Variants in TOX3 observed in about 807,000 individuals in gnomAD.
TOX3 encodes CAG trinucleotide repeat-containing gene F9 protein.
TOX3 carries 22 observed loss-of-function variants against 64.3 expected under a neutral mutation model. That is an observed-to-expected ratio of 0.34 (90% CI 0.24 to 0.49). The LOEUF (loss-of-function observed/expected upper bound fraction) is 0.49. Ranked by LOEUF, TOX3 falls within the 20% of genes least tolerant of loss-of-function variation. TOX3 has a pLI of 0.99. For synonymous variants in TOX3, 291 were observed against 273.6 expected, an observed-to-expected ratio of 1.06 and a Z score of -0.63; for missense variants, 661 against 714.4, an observed-to-expected ratio of 0.93 and a Z score of 0.85.
chr16:52,540,417 T>C (rs550089937), intron 1 of TOX3, among the ~76,000 whole-genome samples: 4 of 151,976 alleles, frequency 2.6e-5, no homozygotes, highest in African/African-American at 9.6e-5. Context: ...TTTATGTGTA[T>C]ATATATATTC....
At chr16:52,451,214 C>T (rs953298912) in intron 3 of TOX3, among the ~76,000 whole-genome samples, 2 of 152,186 alleles carry the variant, frequency 1.3e-5, no homozygotes, top group Non-Finnish European at 2.9e-5. Context: ...ATCTGGAAGT[C>T]ATTCAATGTC....
At chr16:52,463,643 GC>G (rs1201062526) in intron 3 of TOX3, among the ~76,000 whole-genome samples, 2 of 152,264 alleles carry the variant, frequency 1.3e-5, no homozygotes, top group Non-Finnish European at 2.9e-5. Flanking sequence ...TTTGTGTTAA[GC>G]CAACAGCAAG....
intron 1 of TOX3, among the ~76,000 whole-genome samples, chr16:52,502,770 A>G (rs1013664163): frequency 6.6e-6 from 1 of 152,256 alleles, no homozygotes; most frequent in Non-Finnish European, 1.5e-5. Flanking sequence ...AGAAATTTTA[A>G]AACACTACCA....
intron 3 of TOX3, among the ~76,000 whole-genome samples, chr16:52,459,583 T>C (rs1411456692): frequency 6.6e-6 from 1 of 152,196 alleles, no homozygotes; most frequent in Non-Finnish European, 1.5e-5. Context: ...TATGAGAAAT[T>C]GCTTGTCCCC....
At chr16:52,461,676 A>C (rs555528038) in intron 3 of TOX3, among the ~76,000 whole-genome samples, 4 of 152,172 alleles carry the variant, frequency 2.6e-5, no homozygotes, top group African/African-American at 9.6e-5. Flanking sequence ...TTTGGATAAT[A>C]AAACTTCTTA....
chr16:52,536,526 G>T (rs1210708348), intron 1 of TOX3, among the ~76,000 whole-genome samples: 1 of 149,462 alleles, frequency 6.7e-6, no homozygotes, highest in Non-Finnish European at 1.5e-5. Flanking sequence ...AGTACACAGG[G>T]ATAGATCTCA....
chr16:52,494,803 T>C (rs1410246376), intron 1 of TOX3, among the ~76,000 whole-genome samples: 1 of 152,278 alleles, frequency 6.6e-6, no homozygotes, highest in Non-Finnish European at 1.5e-5. Flanking sequence ...AATCTGATTA[T>C]ATGATTCTAG....
At chr16:52,481,701 G>A (rs561110452) in intron 1 of TOX3, among the ~76,000 whole-genome samples, 31 of 152,312 alleles carry the variant, frequency 2.0e-4, no homozygotes, top group Non-Finnish European at 4.1e-4. Context: ...AAACATGTCA[G>A]GGCTAATGTT....
intron 1 of TOX3, among the ~76,000 whole-genome samples, chr16:52,531,964 T>C (rs1962860978): frequency 6.6e-6 from 1 of 152,168 alleles, no homozygotes; most frequent in Admixed American, 6.5e-5. Flanking sequence ...TTTTGAAGTT[T>C]TGCACCTGGA....
At chr16:52,540,850 G>C (rs564610000) in intron 1 of TOX3, among the ~76,000 whole-genome samples, 1 of 152,168 alleles carries the variant, frequency 6.6e-6, no homozygotes, top group Non-Finnish European at 1.5e-5. Context: ...AATCAAAGAA[G>C]GGCTCTTCAA....
Position 52,439,872 on chromosome 16 carries a change from G to A in TOX3, c.1084C>T (p.Leu362=). Residue 362 remains leucine (L), a synonymous_variant, in exon 7 of 7, where the codon CTG becomes TTG. Coordinates refer to ENST00000219746, the MANE Select transcript of TOX3 (RefSeq NM_001080430.4). Reference sequence around the variant, plus strand: ...GCTGACACTGTTCCATGTTGAGACAGTGGAGTGTTGAGAAGGAGAGAGGAT... The same window carrying A: ...GCTGACACTGTTCCATGTTGAGACAATGGAGTGTTGAGAAGGAGAGAGGAT... ...LTSSLLLNTP[L]SQHGTVSASP... The A allele has an allele frequency of 6.2e-7, 1 of 1,613,908 alleles. No individual in the cohort carries two copies. The highest frequency in any genetic ancestry group is 8.5e-7 in the Non-Finnish European group (1 of 1,179,852).
At chr16:52,468,603 A>C (rs1218923090) in intron 1 of TOX3, 29 bp from the exon 2 acceptor site, 1 of 1,532,028 alleles carries the variant, frequency 6.5e-7, no homozygotes, top group African/African-American at 1.4e-5. Flanking sequence ...TTTTACGTTA[A>C]TATGCGGCAT....
At chr16:52,488,152 C>G (rs562253111) in intron 1 of TOX3, among the ~76,000 whole-genome samples, 1 of 152,238 alleles carries the variant, frequency 6.6e-6, no homozygotes, top group African/African-American at 2.4e-5. Context: ...CCATATTTTC[C>G]CAACTTCAGG....
At chr16:52,491,181 A>G (rs952329839) in intron 1 of TOX3, among the ~76,000 whole-genome samples, 6 of 151,882 alleles carry the variant, frequency 4.0e-5, no homozygotes, top group Admixed American at 6.6e-5. Flanking sequence ...CCTCTCCTCC[A>G]TTGCCAACCT....
At chr16:52,467,925 C>G (rs917699880) in intron 2 of TOX3, among the ~76,000 whole-genome samples, 2 of 152,168 alleles carry the variant, frequency 1.3e-5, no homozygotes, top group Non-Finnish European at 2.9e-5. Context: ...TTGGAGCATG[C>G]CAGCCACTCA....
At chr16:52,477,505 C>G (rs1431047275) in intron 1 of TOX3, among the ~76,000 whole-genome samples, 12 of 152,098 alleles carry the variant, frequency 7.9e-5, no homozygotes, top group Admixed American at 7.9e-4. Flanking sequence ...AGTGTCTAGA[C>G]CGGGCAGAGG....
Position 52,438,298 on chromosome 16 carries a change from C to A in TOX3, c.*927G>T, listed in dbSNP as rs1959814196. On this transcript the variant is annotated 3_prime_UTR_variant, in exon 7 of 7. Coordinates refer to ENST00000219746, the MANE Select transcript of TOX3 (RefSeq NM_001080430.4). ...CAGCACATGATATGAAAACTTACAA[C>A]TTTGAAAGAAAATATTTACATTGAT... 6.6e-6 allele frequency: 1 copy of A among 152,590 alleles called. No homozygotes were observed. The highest frequency in any genetic ancestry group is 1.5e-5 in the Non-Finnish European group (1 of 68,034). 9.5% of individuals were successfully genotyped at this position (152,590 alleles called of 1,614,324 possible). A position where few individuals can be genotyped will look rare whatever the true frequency, so the allele number is the denominator to read the frequency against.
chr16:52,519,534 T>G, intron 1 of TOX3: 2 of 1,541,490 alleles, frequency 1.3e-6, no homozygotes, highest in Non-Finnish European at 8.8e-7. Context: ...CTTCTGACTC[T>G]TCTGTCCTCT....
intron 1 of TOX3, among the ~76,000 whole-genome samples, chr16:52,504,244 A>G (rs1596836046): frequency 6.6e-6 from 1 of 152,026 alleles, no homozygotes. Flanking sequence ...AGGCAGGCGG[A>G]TCACTAGGTC....
Sources: gnomAD v4.1 joint callset for allele counts (sites outside exome capture counted in the v4.1 genomes callset) on GRCh38, gnomAD v4.1.1 for gene constraint, MANE v1.5 for transcripts, NCBI Gene and HGNC (gene_info 2026-07-23, HGNC 2026-07-21) for gene names.